UNC45B: variants seen among roughly 807,000 people sequenced by gnomAD.
UNC45B encodes the protein protein unc-45 homolog B.
UNC45B carries 78 observed loss-of-function variants against 98.7 expected under a neutral mutation model. The observed-to-expected ratio is 0.79, with a 90% CI of 0.66 to 0.95. The LOEUF is 0.95. Among genes scored for constraint, UNC45B ranks in the 40% least tolerant of loss-of-function variants. The pLI is 0.00. For missense variants in UNC45B, 1,225 were observed against 1,184.9 expected (o/e 1.03, Z -0.50); for synonymous variants, 462 against 480.4 (o/e 0.96, Z 0.50).
chr17:35,152,837 G>A, intron 4 of UNC45B, 56 bp from the exon 5 acceptor site: 2 of 1,319,788 alleles, frequency 1.5e-6, no homozygotes, highest in Non-Finnish European at 2.2e-6. Context: ...TGAATGTGGA[G>A]CTGAAATGAC....
In UNC45B at chr17:35,168,311, CA is replaced by C. The variant is rs2092156676; in HGVS notation, c.1403del (p.Gln468ArgfsTer56). ...CACCAATGGAGTGTCACTGCTCAAA[CA>C]GATCTACAAGACCACCAAAAATGAG... ...IITNGVSLLK[Q>X]IYKTTKNEKI... On this transcript the variant is annotated frameshift_variant, in exon 10 of 20. Transcript: ENST00000394570. LOFTEE classifies it high-confidence loss of function. 1 of 1,429,634 alleles carries C rather than the reference CA, an allele frequency of 7.0e-7. No individual in the cohort carries two copies. Among genetic ancestry groups the C allele is most frequent in the Non-Finnish European group, 9.2e-7 (1 of 1,082,382 alleles). 88.6% of individuals were successfully genotyped at this position (1,429,634 alleles called of 1,614,324 possible).
chr17:35,173,871 G>C (rs1240611220), intron 13 of UNC45B, among the ~76,000 whole-genome samples: 1 of 149,400 alleles, frequency 6.7e-6, no homozygotes, highest in Admixed American at 6.7e-5. Context: ...GGAGTGCAGT[G>C]GTGCGATCTC....
intron 8 of UNC45B, among the ~76,000 whole-genome samples, chr17:35,161,960 A>G (rs1454419992): frequency 2.6e-5 from 4 of 152,212 alleles, no homozygotes; most frequent in African/African-American, 9.6e-5. Context: ...AATTTGGTGA[A>G]CACATGGAGG....
At chr17:35,182,683 T>C (rs1330112355) in intron 18 of UNC45B, among the ~76,000 whole-genome samples, 1 of 152,112 alleles carries the variant, frequency 6.6e-6, no homozygotes, top group Non-Finnish European at 1.5e-5. Flanking sequence ...TCTGCCATGC[T>C]CTCACCTCCC....
rs1022535660 is a variant in UNC45B at position 35,167,606 on chromosome 17, A to G, written c.1152-455A>G. 4.7e-4 allele frequency among the ~76,000 whole-genome samples: 70 copies of G among 150,254 alleles called. 1 individual carries two copies. The highest frequency in any genetic ancestry group is 1.7e-3 in the African/African-American group (69 of 40,806). On this transcript the variant is annotated intron_variant, in intron 9 of 19. Transcript: ENST00000394570. Reference sequence around the variant, plus strand: ...CAGTGCACTCCAGCAACAGAGCAAGACTCAGTCTCAAAAAAAAAAAAAAGA... The same window carrying G: ...CAGTGCACTCCAGCAACAGAGCAAGGCTCAGTCTCAAAAAAAAAAAAAAGA...
intron 10 of UNC45B, 76 bp downstream of exon 10, chr17:35,168,437 G>C: frequency 8.0e-7 from 1 of 1,248,536 alleles, no homozygotes; most frequent in Non-Finnish European, 1.0e-6. Context: ...AAATGAATGA[G>C]TTGAGGCTGC....
At chr17:35,172,881 C>A (rs940397336) in intron 13 of UNC45B, among the ~76,000 whole-genome samples, 2 of 152,180 alleles carry the variant, frequency 1.3e-5, no homozygotes, top group Non-Finnish European at 1.5e-5. Context: ...TCTTTTATTT[C>A]ATTCCTCTGT....
intron 7 of UNC45B, among the ~76,000 whole-genome samples, chr17:35,156,161 T>C (rs1010158436): frequency 6.6e-6 from 1 of 152,040 alleles, no homozygotes; most frequent in African/African-American, 2.4e-5. Context: ...TTCATGGAGA[T>C]GGAAAGTAGA....
In UNC45B at chr17:35,189,279, C is replaced by A. The variant is rs979988171; in HGVS notation, c.*2720C>A. On this transcript the variant is annotated 3_prime_UTR_variant, in exon 20 of 20. Transcript: ENST00000394570. ...AAAAGGATATTTTGTAAAAATTTAACCCCTTTGACTCTTAGTCTTCTCATT... is the reference window on the plus strand; with the variant it reads ...AAAAGGATATTTTGTAAAAATTTAAACCCTTTGACTCTTAGTCTTCTCATT... 1 of 152,058 alleles carries A rather than the reference C, an allele frequency of 6.6e-6. No homozygotes were observed. The highest frequency in any genetic ancestry group is 1.5e-5 in the Non-Finnish European group (1 of 68,010). The allele number at this position is 152,058 out of a possible 1,614,324, so 9.4% of individuals were successfully genotyped here.
At chr17:35,160,430 G>A (rs900045157) in intron 8 of UNC45B, among the ~76,000 whole-genome samples, 1 of 152,026 alleles carries the variant, frequency 6.6e-6, no homozygotes. Flanking sequence ...TTTCATTTTT[G>A]TGTATCTATC....
At chr17:35,169,696 T>C (rs1362560681) in intron 10 of UNC45B, 141 bp from the exon 11 acceptor site, 1 of 693,644 alleles carries the variant, frequency 1.4e-6, no homozygotes, top group African/African-American at 1.8e-5. Flanking sequence ...AGCTGAGTTT[T>C]ACAGTCTGCA....
intron 19 of UNC45B, among the ~76,000 whole-genome samples, chr17:35,185,869 A>G (rs544050689): frequency 6.6e-6 from 1 of 152,238 alleles, no homozygotes; most frequent in East Asian, 1.9e-4. Flanking sequence ...TTCTGTTGCT[A>G]TAACAGAATA....
intron 4 of UNC45B, chr17:35,151,243 G>T: frequency 4.0e-6 from 1 of 251,502 alleles, no homozygotes; most frequent in South Asian, 3.7e-5. Context: ...CGCCACGTCT[G>T]ATCTGAGGTC....
intron 5 of UNC45B, among the ~76,000 whole-genome samples, chr17:35,154,101 T>G (rs1200236660): frequency 6.6e-6 from 1 of 152,190 alleles, no homozygotes; most frequent in African/African-American, 2.4e-5. Flanking sequence ...AGGTCCCATC[T>G]AGTGTTTTTG....
rs1439122287 is a variant in UNC45B, at chr17:35,150,047, GC to G, written c.207del (p.Ile70SerfsTer48). 6.3e-7 allele frequency: 1 copy of G among 1,598,290 alleles called. No homozygotes were observed. Among genetic ancestry groups the G allele is most frequent in the African/African-American group, 1.3e-5 (1 of 74,586 alleles). ...YVQAASDASR[A>X]IDINSSDIKA... ...CCTCATCCCCCGTCTCCCCTCGATA[GC>G]CATCGACATCAACTCCTCGGACATC... On this transcript the variant is annotated frameshift_variant and splice_region_variant, in exon 4 of 20. Transcript: ENST00000394570. LOFTEE classifies it high-confidence loss of function.
At position 35,180,670 on chromosome 17, in the gene UNC45B, C is replaced by T; in HGVS notation, c.2367C>T (p.His789=). The T allele has an allele frequency of 6.2e-7, 1 of 1,612,746 alleles. No homozygotes were observed. The highest frequency in any genetic ancestry group is 8.5e-7 in the Non-Finnish European group (1 of 1,179,624). ...ATECMCNMVL[H]KEVQERFLAD... The stretch of plus-strand genomic sequence containing the variant: ...AGTGCATGTGCAACATGGTGCTCCA[C>T]AAGGAGGTGAGGCAGGGGCTCAGGA... Residue 789 remains histidine (H), a synonymous_variant, in exon 18 of 20, where the codon CAC becomes CAT. Transcript: ENST00000394570.
intron 7 of UNC45B, among the ~76,000 whole-genome samples, chr17:35,157,196 T>G (rs1417051195): frequency 6.6e-6 from 1 of 152,124 alleles, no homozygotes; most frequent in African/African-American, 2.4e-5. Flanking sequence ...GGAGCCATTT[T>G]TGCATCTATG....
intron 9 of UNC45B, among the ~76,000 whole-genome samples, chr17:35,167,393 A>G (rs937940615): frequency 2.6e-5 from 4 of 152,160 alleles, no homozygotes; most frequent in African/African-American, 7.2e-5. Flanking sequence ...GGCCAGGTGG[A>G]AAGATCATCT....
intron 8 of UNC45B, among the ~76,000 whole-genome samples, chr17:35,163,778 G>A (rs1231739236): frequency 6.6e-6 from 1 of 152,152 alleles, no homozygotes; most frequent in Non-Finnish European, 1.5e-5. Flanking sequence ...GAAAATAGAG[G>A]CCCCTAGAGG....
Sources: allele counts gnomAD v4.1 joint callset (sites outside exome capture counted in the v4.1 genomes callset), GRCh38; gene constraint gnomAD v4.1.1; transcripts MANE v1.5; gene names NCBI Gene and HGNC (gene_info 2026-07-23, HGNC 2026-07-21).